RAP1A: variants seen among roughly 807,000 people sequenced by gnomAD.
The protein encoded by RAP1A is ras-related protein Rap-1A.
RAP1A carries 6 observed loss-of-function variants against 26.4 expected under a neutral mutation model. The observed-to-expected ratio is 0.23, with a 90% CI of 0.12 to 0.45. The LOEUF (loss-of-function observed/expected upper bound fraction) is 0.45. Ranked by LOEUF, RAP1A falls within the 20% of genes least tolerant of loss-of-function variation. The pLI, the probability that RAP1A is intolerant of heterozygous loss-of-function variation, is 0.99. For synonymous variants in RAP1A, 73 were observed against 79.4 expected (o/e 0.92, Z 0.43); for missense variants, 121 against 217.2 (o/e 0.56, Z 2.78).
At chr1:111,700,875 T>G (rs1329207093) in intron 4 of RAP1A, among the ~76,000 whole-genome samples, 1 of 152,126 alleles carries the variant, frequency 6.6e-6, no homozygotes, top group Non-Finnish European at 1.5e-5. Flanking sequence ...TGGCTTTACC[T>G]TAAAAACTTA....
chr1:111,598,923 C>T (rs992115358), intron 1 of RAP1A, among the ~76,000 whole-genome samples: 2 of 152,204 alleles, frequency 1.3e-5, no homozygotes, highest in Non-Finnish European at 2.9e-5. Flanking sequence ...TCCTACGATC[C>T]TCTCTTTGAA....
At chr1:111,615,800 C>T (rs1243318910), upstream of RAP1A, among the ~76,000 whole-genome samples, 1 of 142,306 alleles carries the variant, frequency 7.0e-6, no homozygotes, top group Non-Finnish European at 1.5e-5. Flanking sequence ...CACTGCACTC[C>T]AGCCTGGTGA....
At chr1:111,704,618 T>A in intron 6 of RAP1A, 132 bp downstream of exon 6, 2 of 963,898 alleles carry the variant, frequency 2.1e-6, no homozygotes, top group Non-Finnish European at 1.4e-6. Context: ...AAACACTAAG[T>A]AATTCCTGGA....
chr1:111,700,132 C>T (rs905563215), intron 4 of RAP1A, among the ~76,000 whole-genome samples: 3 of 152,138 alleles, frequency 2.0e-5, no homozygotes, highest in South Asian at 2.1e-4. Context: ...TCTTTCCTAA[C>T]AACACTGCTT....
At chr1:111,567,892 T>A (rs1241947381) in intron 1 of RAP1A, among the ~76,000 whole-genome samples, 1 of 152,150 alleles carries the variant, frequency 6.6e-6, no homozygotes, top group African/African-American at 2.4e-5. Context: ...AAAAAATAAA[T>A]TTCTGTTGTT....
At chr1:111,711,943 T>C (rs1662398100) in intron 7 of RAP1A, among the ~76,000 whole-genome samples, 1 of 152,204 alleles carries the variant, frequency 6.6e-6, no homozygotes, top group African/African-American at 2.4e-5. Context: ...TAGCTCTTTC[T>C]GTATCATCCC....
chr1:111,642,766 C>T (rs537536608), intron 1 of RAP1A, among the ~76,000 whole-genome samples: 1 of 148,706 alleles, frequency 6.7e-6, no homozygotes, highest in South Asian at 2.1e-4. Context: ...GGATTACAGG[C>T]GTGAGCCGCC....
intron 1 of RAP1A, among the ~76,000 whole-genome samples, chr1:111,621,150 A>G (rs938156346): frequency 6.6e-6 from 1 of 152,246 alleles, no homozygotes; most frequent in South Asian, 2.1e-4. Context: ...GTAAGAATAA[A>G]GTATCAGCTC....
Position 111,592,950 on chromosome 1 carries a change from A to T in RAP1A, c.-28+50441A>T, listed in dbSNP as rs373836705. ...ATGAGTCACCACACTTCCACAGAAG[A>T]GCTCTGAGGATCAGTGGGTGTGTTG... On this transcript the variant is annotated intron_variant, in intron 1 of 7. Transcript: ENST00000356415. Among the ~76,000 whole-genome samples, 12 of 152,240 alleles carry T rather than the reference A, an allele frequency of 7.9e-5. 1 individual carries two copies. The highest frequency in any genetic ancestry group is 5.8e-4 in the East Asian group (3 of 5,180).
At chr1:111,689,082 C>T (rs1423975368) in intron 1 of RAP1A, among the ~76,000 whole-genome samples, 1 of 151,984 alleles carries the variant, frequency 6.6e-6, no homozygotes, top group Non-Finnish European at 1.5e-5. Flanking sequence ...GTGATCTGCC[C>T]ATCTTGGCCT....
intron 1 of RAP1A, among the ~76,000 whole-genome samples, chr1:111,542,993 G>A (rs992542834): frequency 2.0e-5 from 3 of 152,088 alleles, no homozygotes; most frequent in African/African-American, 4.8e-5. Flanking sequence ...GAGCCATGGC[G>A]CCCGGCCATG....
At chr1:111,638,347 A>G (rs1659785720) in intron 1 of RAP1A, among the ~76,000 whole-genome samples, 1 of 152,186 alleles carries the variant, frequency 6.6e-6, no homozygotes, top group South Asian at 2.1e-4. Flanking sequence ...TGCAGCATAA[A>G]TTCCCATTTG....
At chr1:111,629,138 A>G (rs970610699) in intron 1 of RAP1A, among the ~76,000 whole-genome samples, 1 of 152,162 alleles carries the variant, frequency 6.6e-6, no homozygotes, top group Non-Finnish European at 1.5e-5. Flanking sequence ...AGCAGAGGTG[A>G]TGAGAAGTGA....
At chr1:111,686,688 C>T (rs1393479414) in intron 1 of RAP1A, 2 of 26,220 alleles carry the variant, frequency 7.6e-5, no homozygotes, top group Non-Finnish European at 7.2e-5. Context: ...GAGACCCTAT[C>T]TCAAAAAAAA....
intron 1 of RAP1A, among the ~76,000 whole-genome samples, chr1:111,554,278 G>T (rs966080250): frequency 6.6e-6 from 1 of 152,188 alleles, no homozygotes; most frequent in African/African-American, 2.4e-5. Flanking sequence ...ACCTGTGGAG[G>T]TATATAGTAT....
At chr1:111,622,549 T>G (rs508594) in intron 1 of RAP1A, among the ~76,000 whole-genome samples, 79,542 of 151,990 alleles carry the variant, frequency 0.52, 21,078 homozygotes, top group Middle Eastern at 0.65. Flanking sequence ...ACTGTTTCTA[T>G]CCTCTCACCC....
intron 1 of RAP1A, among the ~76,000 whole-genome samples, chr1:111,663,872 TA>T (rs377052850): frequency 1.9e-4 from 28 of 148,318 alleles, no homozygotes; most frequent in African/African-American, 2.0e-4. Flanking sequence ...AAAAGGCACT[TA>T]AAAAAAAAAG....
At chr1:111,674,477 A>G (rs34053809) in intron 1 of RAP1A, among the ~76,000 whole-genome samples, 20,093 of 152,040 alleles carry the variant, frequency 0.13, 2,023 homozygotes, top group African/African-American at 0.29. Context: ...TTTCAATGCT[A>G]CCATCTTGAC....
chr1:111,667,663 C>A (rs1311135362), intron 1 of RAP1A, among the ~76,000 whole-genome samples: 2 of 143,536 alleles, frequency 1.4e-5, no homozygotes, highest in East Asian at 4.0e-4. Context: ...GCCTGGGCGA[C>A]AAGAGCAAGA....
Sources: gnomAD v4.1 joint callset for allele counts (sites outside exome capture counted in the v4.1 genomes callset) on GRCh38, gnomAD v4.1.1 for gene constraint, MANE v1.5 for transcripts, NCBI Gene and HGNC (gene_info 2026-07-23, HGNC 2026-07-21) for gene names.